The following ITSN1 variants were observed in gnomAD, a reference collection of about 807,000 sequenced individuals.
ITSN1 encodes the protein intersectin-1.
A neutral mutation model predicts 239.8 loss-of-function variants in ITSN1; 58 were observed. That is an observed-to-expected ratio of 0.24 (90% CI 0.20 to 0.30). ITSN1 has a LOEUF of 0.30. ITSN1 is among the 10% of genes least tolerant of loss of function. The pLI, the probability that ITSN1 is intolerant of heterozygous loss-of-function variation, is 1.00. For synonymous variants in ITSN1, 780 were observed against 770.8 expected (o/e 1.01, Z -0.20); for missense variants, 1,558 against 2,103.3 (o/e 0.74, Z 5.07).
In ITSN1 at chr21:33,811,130, C is replaced by G. The variant is rs1165922393; in HGVS notation, c.2475C>G (p.Pro825=). The G allele has an allele frequency of 1.9e-6, 3 of 1,614,084 alleles. No homozygotes were observed. Among genetic ancestry groups the G allele is most frequent in the Non-Finnish European group, 2.5e-6 (3 of 1,180,022 alleles). ...PVTDSTSAPA[P]KLALRETPAP... is the part of the protein sequence containing the mutation. ...CTGATTCAACATCTGCCCCTGCCCC[C>G]AAACTGGCCTTGCGTGAGACCCCCG... The change falls in exon 21 of 40, where the codon CCC becomes CCG. Residue 825 remains proline (P), a synonymous_variant. Coordinates refer to ENST00000381318, the MANE Select transcript of ITSN1 (RefSeq NM_003024.3).
At chr21:33,661,665 A>G (rs1489896679) in intron 1 of ITSN1, among the ~76,000 whole-genome samples, 2 of 152,054 alleles carry the variant, frequency 1.3e-5, no homozygotes, top group East Asian at 3.9e-4. Flanking sequence ...CATAATTCCC[A>G]TGCGTTATGG....
In ITSN1 at chr21:33,889,190, C is replaced by T. The variant is rs1046224023; in HGVS notation, c.*890C>T. 1.3e-5 allele frequency: 2 copies of T among 151,968 alleles called. No individual in the cohort carries two copies. The highest frequency in any genetic ancestry group is 2.9e-5 in the Non-Finnish European group (2 of 68,016). The allele number at this position is 151,968 out of a possible 1,614,324, so 9.4% of individuals were successfully genotyped here. A position where few individuals can be genotyped will look rare whatever the true frequency, so the allele number is the denominator to read the frequency against. ...GCCTGTGATATTTCATAGCAGCAGTCGTTGCTGGTGACCTGTTCTGTGCTT... is the reference window on the plus strand; with the variant it reads ...GCCTGTGATATTTCATAGCAGCAGTTGTTGCTGGTGACCTGTTCTGTGCTT... On this transcript the variant is annotated 3_prime_UTR_variant, in exon 40 of 40. Coordinates refer to ENST00000381318, the MANE Select transcript of ITSN1 (RefSeq NM_003024.3).
chr21:33,834,263 AG>A (rs2074473221), intron 27 of ITSN1, 43 bp from the exon 28 acceptor site: 1 of 1,406,056 alleles, frequency 7.1e-7, no homozygotes, highest in Admixed American at 1.7e-5. Flanking sequence ...GTATTATAAA[AG>A]ATGCGCCTTT....
chr21:33,724,236 A>G (rs1208802705), intron 4 of ITSN1, among the ~76,000 whole-genome samples: 1 of 152,152 alleles, frequency 6.6e-6, no homozygotes, highest in African/African-American at 2.4e-5. Context: ...TCTCTAAACT[A>G]GTGTGCTTGC....
chr21:33,662,481 G>A (rs1241549674), intron 1 of ITSN1, among the ~76,000 whole-genome samples: 3 of 152,108 alleles, frequency 2.0e-5, no homozygotes, highest in African/African-American at 7.2e-5. Context: ...AATAGGTGAT[G>A]GGGTATTGCC....
intron 5 of ITSN1, chr21:33,735,482 T>G (rs1210010459): frequency 2.4e-5 from 4 of 165,498 alleles, no homozygotes; most frequent in Non-Finnish European, 5.0e-5. Context: ...AGCTTCTGGG[T>G]TTTTTTTTTT....
chr21:33,719,445 T>TAAAC (rs750391818), intron 2 of ITSN1, among the ~76,000 whole-genome samples: 30 of 152,104 alleles, frequency 2.0e-4, no homozygotes, highest in African/African-American at 6.5e-4. Flanking sequence ...CATCTCTAAA[T>TAAAC]AAACAAACAA....
chr21:33,858,961 T>C (rs910480313), intron 31 of ITSN1, among the ~76,000 whole-genome samples, 169 bp downstream of exon 31: 1 of 152,022 alleles, frequency 6.6e-6, no homozygotes, highest in African/African-American at 2.4e-5. Context: ...TGTGCCTTCG[T>C]GCTTTCTGGA....
chr21:33,882,482 A>G lies in ITSN1; in HGVS notation c.4554+27A>G. 6.3e-7 allele frequency: 1 copy of G among 1,597,904 alleles called. No homozygotes were observed. Among genetic ancestry groups the G allele is most frequent in the Non-Finnish European group, 8.6e-7 (1 of 1,166,420 alleles). The stretch of plus-strand genomic sequence containing the variant: ...TAAGTTGGATTCTAGATTTTGCATT[A>G]TCAGGGTTGACGTGTTTGGGGAGGA... On this transcript the variant is annotated intron_variant, in intron 35 of 39. Transcript: ENST00000381318. The surrounding 1 kb of genome is among the most constrained non-coding windows in gnomAD (Gnocchi z 4.5).
At chr21:33,747,239 G>A (rs2067237060) in intron 5 of ITSN1, among the ~76,000 whole-genome samples, 1 of 152,084 alleles carries the variant, frequency 6.6e-6, no homozygotes, top group Non-Finnish European at 1.5e-5. Context: ...GATAGCAGAA[G>A]ACAGAGTCAG....
intron 29 of ITSN1, among the ~76,000 whole-genome samples, chr21:33,845,221 C>G (rs996877838): frequency 2.1e-5 from 3 of 142,426 alleles, no homozygotes; most frequent in Non-Finnish European, 3.0e-5. Context: ...GAGGATGGCC[C>G]GAGAAAGCTC....
intron 1 of ITSN1, among the ~76,000 whole-genome samples, chr21:33,659,087 G>T (rs2089333649): frequency 6.6e-6 from 1 of 152,110 alleles, no homozygotes; most frequent in African/African-American, 2.4e-5. Flanking sequence ...GAAGAGAGAG[G>T]GACTGGAAAT....
At chr21:33,833,512 T>G (rs560141854) in intron 27 of ITSN1, among the ~76,000 whole-genome samples, 1 of 152,240 alleles carries the variant, frequency 6.6e-6, no homozygotes, top group African/African-American at 2.4e-5. Context: ...AAATTGAGAA[T>G]AATAATACTA....
chr21:33,845,344 C>G (rs1258307873), intron 29 of ITSN1, among the ~76,000 whole-genome samples: 1 of 152,164 alleles, frequency 6.6e-6, no homozygotes, highest in Non-Finnish European at 1.5e-5. Context: ...GCTGAAGGAG[C>G]TGCTCCTGCC....
chr21:33,692,591 T>C (rs1344343130), intron 1 of ITSN1, among the ~76,000 whole-genome samples: 1 of 152,224 alleles, frequency 6.6e-6, no homozygotes, highest in Non-Finnish European at 1.5e-5. Flanking sequence ...CTCATTTATA[T>C]GCATTTCTAG....
chr21:33,776,279 C>G (rs1251013317), intron 14 of ITSN1, among the ~76,000 whole-genome samples: 1 of 150,988 alleles, frequency 6.6e-6, no homozygotes, highest in African/African-American at 2.4e-5. Context: ...AGGCTGGGCA[C>G]AGTGGGTCAC....
chr21:33,883,692 A>G, intron 36 of ITSN1, 21 bp downstream of exon 36: 2 of 1,610,846 alleles, frequency 1.2e-6, no homozygotes, highest in South Asian at 1.1e-5. Flanking sequence ...CCGCCTCCCC[A>G]GCATGGGCCC....
At chr21:33,750,400 C>A in intron 6 of ITSN1, 78 bp downstream of exon 6, 1 of 1,285,676 alleles carries the variant, frequency 7.8e-7, no homozygotes. Context: ...ATTTTCTCTT[C>A]ACGTTCTGAT....
At position 33,886,383 on chromosome 21, in the gene ITSN1, G is replaced by A. The variant is rs757221832; in HGVS notation, c.4940G>A (p.Cys1647Tyr). The change falls in exon 39 of 40, where the codon TGC (cysteine) becomes TAC (tyrosine). Residue 1647 changes from cysteine (C) to tyrosine (Y), a missense_variant. Physicochemically the swap from Cys to Tyr is radical, Grantham distance 194. Around this residue, in one of 2 missense-constraint regions of ITSN1, gnomAD observed 576 missense variants for 893.3 expected, o/e 0.64. Transcript: ENST00000381318. ...DTLNPKWNSN[C>Y]QFFIRDLEQE... is the part of the protein sequence containing the mutation. Reference sequence around the variant, plus strand: ...CTGAACCCCAAGTGGAATTCCAACTGCCAGTTCTTCATCCGAGACCTGGAG... The same window carrying A: ...CTGAACCCCAAGTGGAATTCCAACTACCAGTTCTTCATCCGAGACCTGGAG... 1.9e-6 allele frequency: 3 copies of A among 1,613,788 alleles called. No homozygotes were observed. The highest frequency in any genetic ancestry group is 2.7e-5 in the African/African-American group (2 of 74,982).
Sources: allele counts gnomAD v4.1 joint callset (sites outside exome capture counted in the v4.1 genomes callset), GRCh38; gene constraint gnomAD v4.1.1; regional missense constraint gnomAD v4.1.1; non-coding constraint Gnocchi (gnomAD v3.1); transcripts MANE v1.5; gene names NCBI Gene and HGNC (gene_info 2026-07-23, HGNC 2026-07-21).